The following ASIC5 variants were observed in gnomAD, a reference collection of about 807,000 sequenced individuals.
ASIC5 encodes the protein bile acid-sensitive ion channel.
A neutral mutation model predicts 51.2 loss-of-function variants in ASIC5; 52 were observed. That is an observed-to-expected ratio of 1.02 (90% CI 0.81 to 1.28). The LOEUF (loss-of-function observed/expected upper bound fraction) is 1.28. Ranked by LOEUF, ASIC5 falls within the 50% of genes most tolerant of loss-of-function variation. The pLI is 0.00. For synonymous variants in ASIC5, 231 were observed against 200.7 expected, an observed-to-expected ratio of 1.15 and a Z score of -1.28; for missense variants, 635 against 595.0, an observed-to-expected ratio of 1.07 and a Z score of -0.70.
At chr4:155,834,691 G>A (rs1412045175) in intron 8 of ASIC5, among the ~76,000 whole-genome samples, 1 of 152,088 alleles carries the variant, frequency 6.6e-6, no homozygotes. Context: ...CTGGATACCC[G>A]TGGCCCTAAA....
intron 9 of ASIC5, among the ~76,000 whole-genome samples, chr4:155,831,575 T>C (rs1282609701): frequency 3.9e-5 from 6 of 151,982 alleles, no homozygotes; most frequent in Non-Finnish European, 8.8e-5. Context: ...ATCGAGACCA[T>C]CCTGGCCAAC....
At chr4:155,853,148 C>A (rs1335393497) in intron 3 of ASIC5, among the ~76,000 whole-genome samples, 1 of 152,104 alleles carries the variant, frequency 6.6e-6, no homozygotes, top group Non-Finnish European at 1.5e-5. Flanking sequence ...TGAAAAAATT[C>A]TCTAACATGA....
chr4:155,860,728 A>T (rs1472149035), intron 2 of ASIC5, among the ~76,000 whole-genome samples: 1 of 151,860 alleles, frequency 6.6e-6, no homozygotes, highest in Non-Finnish European at 1.5e-5. Flanking sequence ...AGGATATATT[A>T]TCTTTTTTTC....
chr4:155,859,187 T>G (rs1204287350), intron 2 of ASIC5, among the ~76,000 whole-genome samples: 1 of 152,046 alleles, frequency 6.6e-6, no homozygotes, highest in Non-Finnish European at 1.5e-5. Context: ...GTCCTGAGAT[T>G]TTATTTTACT....
At chr4:155,840,319 C>G (rs1741087613) in intron 6 of ASIC5, among the ~76,000 whole-genome samples, 1 of 151,384 alleles carries the variant, frequency 6.6e-6, no homozygotes. Flanking sequence ...GGCCAGAGAT[C>G]AATAATCTGG....
chr4:155,864,273 T>C (rs751200497), intron 1 of ASIC5, among the ~76,000 whole-genome samples: 1 of 152,178 alleles, frequency 6.6e-6, no homozygotes, highest in Admixed American at 6.6e-5. Context: ...AACTATTTTA[T>C]ATTTTGTTGG....
At chr4:155,839,617 C>G (rs1056901090) in intron 6 of ASIC5, among the ~76,000 whole-genome samples, 2 of 152,012 alleles carry the variant, frequency 1.3e-5, no homozygotes, top group African/African-American at 4.8e-5. Context: ...AGTCAGTAAT[C>G]TTGAAAATAA....
intron 4 of ASIC5, among the ~76,000 whole-genome samples, chr4:155,851,980 G>A (rs757047496): frequency 2.6e-5 from 4 of 151,936 alleles, no homozygotes; most frequent in Non-Finnish European, 5.9e-5. Flanking sequence ...CAGTAGGATA[G>A]CTAAAAATCT....
intron 1 of ASIC5, 81 bp downstream of exon 1, chr4:155,866,106 G>T: frequency 1.2e-6 from 1 of 853,430 alleles, no homozygotes; most frequent in Non-Finnish European, 1.8e-6. Context: ...CCCAAATGAA[G>T]AAAAAAAATC....
chr4:155,847,741 TAAATA>T (rs1303970878), intron 4 of ASIC5, among the ~76,000 whole-genome samples: 3 of 151,542 alleles, frequency 2.0e-5, no homozygotes, highest in Non-Finnish European at 4.4e-5. Flanking sequence ...AATAAATAAA[TAAATA>T]AAATGCATTT....
At chr4:155,861,022 A>C (rs866406365) in intron 2 of ASIC5, among the ~76,000 whole-genome samples, 17 of 151,930 alleles carry the variant, frequency 1.1e-4, no homozygotes, top group Non-Finnish European at 1.9e-4. Flanking sequence ...TTTGTTATTT[A>C]GGTGTGCATT....
intron 4 of ASIC5, among the ~76,000 whole-genome samples, chr4:155,849,297 G>C (rs1405839354): frequency 6.6e-6 from 1 of 151,982 alleles, no homozygotes; most frequent in African/African-American, 2.4e-5. Context: ...GAGTGGCGAG[G>C]AGATTCACCC....
chr4:155,861,512 T>A (rs528665897), intron 2 of ASIC5, among the ~76,000 whole-genome samples: 1 of 151,980 alleles, frequency 6.6e-6, no homozygotes, highest in Admixed American at 6.6e-5. Context: ...TTTCTGAAGG[T>A]TGACATACCT....
rs561790336 is a variant in ASIC5 at position 155,859,535 on chromosome 4, G to A, written c.347+3913C>T. On this transcript the variant is annotated intron_variant, in intron 2 of 9. Coordinates refer to ENST00000537611, the MANE Select transcript of ASIC5 (RefSeq NM_017419.3). ...TCAGGTGTCCATTTTCTACTCACAA[G>A]GTGGTTAAACAAAAAAAGTATAGAA... is the stretch of plus-strand genomic sequence containing the variant. Among the ~76,000 whole-genome samples the A allele has an allele frequency of 3.3e-5, 5 of 152,082 alleles. No individual in the cohort carries two copies. The South Asian group carries it at 8.3e-4, about 25-fold the overall frequency.
intron 1 of ASIC5, among the ~76,000 whole-genome samples, chr4:155,865,467 T>C (rs1160608905): frequency 2.0e-5 from 3 of 152,214 alleles, no homozygotes; most frequent in African/African-American, 7.2e-5. Flanking sequence ...ACTTGTACCA[T>C]TCCTAGAATA....
intron 6 of ASIC5, among the ~76,000 whole-genome samples, chr4:155,840,747 A>T (rs1386226128): frequency 1.3e-5 from 2 of 152,076 alleles, no homozygotes; most frequent in Non-Finnish European, 2.9e-5. Context: ...CAAGATTAGA[A>T]ATTATGTTTA....
intron 2 of ASIC5, among the ~76,000 whole-genome samples, chr4:155,859,727 AT>A (rs1741645776): frequency 6.6e-6 from 1 of 152,002 alleles, no homozygotes; most frequent in South Asian, 2.1e-4. Context: ...TGCACAGAGA[AT>A]TTTAAGGAAA....
At chr4:155,842,704 G>C (rs1480467361) in intron 5 of ASIC5, among the ~76,000 whole-genome samples, 1 of 152,034 alleles carries the variant, frequency 6.6e-6, no homozygotes, top group African/African-American at 2.4e-5. Context: ...ATTTTAAAAA[G>C]ATCCTTTAAT....
intron 8 of ASIC5, among the ~76,000 whole-genome samples, chr4:155,833,190 A>C (rs979650630): frequency 6.6e-6 from 1 of 152,216 alleles, no homozygotes; most frequent in Non-Finnish European, 1.5e-5. Flanking sequence ...TGGACAAATA[A>C]GGGAGCAAAT....
Sources: gnomAD v4.1 joint callset for allele counts (sites outside exome capture counted in the v4.1 genomes callset) on GRCh38, gnomAD v4.1.1 for gene constraint, MANE v1.5 for transcripts, NCBI Gene and HGNC (gene_info 2026-07-23, HGNC 2026-07-21) for gene names.